Variants in HIBCH observed in about 807,000 individuals in gnomAD.
HIBCH encodes 3-hydroxyisobutyryl-CoA hydrolase, also known as 3-hydroxyisobutyryl-CoA hydrolase, mitochondrial.
HIBCH carries 50 observed loss-of-function variants against 58.2 expected under a neutral mutation model. That is an observed-to-expected ratio of 0.86 (90% CI 0.68 to 1.09). The LOEUF is 1.09. Among genes scored for constraint, HIBCH ranks in the 50% least tolerant of loss-of-function variants. The pLI is 0.00. For missense variants in HIBCH, 450 were observed against 449.7 expected (o/e 1.00, Z -0.01); for synonymous variants, 151 against 146.9 (o/e 1.03, Z -0.20).
chr2:190,318,601 G>A (rs984882780), intron 1 of HIBCH, among the ~76,000 whole-genome samples: 2 of 152,180 alleles, frequency 1.3e-5, no homozygotes, highest in African/African-American at 4.8e-5. Context: ...ATCTTGGAAC[G>A]TGGGGTGGAA....
rs572208311 is a variant in HIBCH at position 190,251,947 on chromosome 2, T to G, written c.663+215A>C. 1.1e-4 allele frequency among the ~76,000 whole-genome samples: 17 copies of G among 152,192 alleles called. No individual in the cohort carries two copies. The South Asian group carries it at 3.1e-3, about 28-fold the overall frequency. ...ACTCACTGAAGGTGCCAACCCTGAA[T>G]CCAGGTATCATTATCTCCAGTTTGC... On this transcript the variant is annotated intron_variant, in intron 8 of 13. Transcript: ENST00000359678.
At chr2:190,229,814 A>G (rs949374710) in intron 11 of HIBCH, among the ~76,000 whole-genome samples, 4 of 152,000 alleles carry the variant, frequency 2.6e-5, no homozygotes, top group African/African-American at 7.3e-5. Context: ...ACTAAGAGAC[A>G]CTACTATTAG....
At chr2:190,237,841 C>A in intron 11 of HIBCH, among the ~76,000 whole-genome samples, 1 of 151,858 alleles carries the variant, frequency 6.6e-6, no homozygotes, top group South Asian at 2.1e-4. Flanking sequence ...CCCTGATGGG[C>A]CCCAGTGTGT....
intron 6 of HIBCH, among the ~76,000 whole-genome samples, chr2:190,270,761 T>G (rs549734273): frequency 6.6e-6 from 1 of 152,300 alleles, no homozygotes; most frequent in African/African-American, 2.4e-5. Flanking sequence ...ACCACATACA[T>G]TAGATTAACA....
downstream of HIBCH, chr2:190,199,841 C>CACAAACAGCTCTTCATAACA (rs759270915): frequency 1.9e-6 from 3 of 1,608,174 alleles, no homozygotes; most frequent in South Asian, 1.1e-5. Context: ...CTGCTTCCTC[C>CACAAACAGCTCTTCATAACA]ACAAACAGCT....
chr2:190,228,029 G>C (rs1426355620), intron 11 of HIBCH, among the ~76,000 whole-genome samples: 1 of 152,114 alleles, frequency 6.6e-6, no homozygotes, highest in Non-Finnish European at 1.5e-5. Flanking sequence ...AATACCATTT[G>C]ACCCAGCCAT....
chr2:190,317,506 A>G (rs1385238626), intron 1 of HIBCH, among the ~76,000 whole-genome samples: 1 of 152,226 alleles, frequency 6.6e-6, no homozygotes. Flanking sequence ...CAAATCTGTG[A>G]AATCCAGACT....
rs185096076 is a variant in HIBCH, at chr2:190,211,955, T to A, written c.1011+1001A>T. Among the ~76,000 whole-genome samples, 1 of 151,936 alleles carries A rather than the reference T, an allele frequency of 6.6e-6. No homozygotes were observed. The highest frequency in any genetic ancestry group is 1.9e-4 in the East Asian group (1 of 5,156). On this transcript the variant is annotated intron_variant, in intron 12 of 13. Transcript: ENST00000359678. This position sits in a 1 kb window ranked among gnomAD's most constrained non-coding sequence, Gnocchi z 5.0. ...GGAATGTGTGAGGTATACAGGAGAG[T>A]GGTCAAGAGTGCAGGCACTGGAGTA...
intron 4 of HIBCH, among the ~76,000 whole-genome samples, chr2:190,293,547 TTAAG>T (rs1688010399): frequency 6.6e-6 from 1 of 152,084 alleles, no homozygotes; most frequent in Non-Finnish European, 1.5e-5. Context: ...ACAGATCAGT[TTAAG>T]TAATCAAAGT....
intron 2 of HIBCH, among the ~76,000 whole-genome samples, chr2:190,300,636 T>C (rs930769514): frequency 6.6e-6 from 1 of 152,208 alleles, no homozygotes; most frequent in South Asian, 2.1e-4. Context: ...TCTTTTGCTG[T>C]CCAGAAGCTC....
intron 11 of HIBCH, among the ~76,000 whole-genome samples, chr2:190,238,501 G>A (rs908629377): frequency 6.6e-6 from 1 of 152,076 alleles, no homozygotes; most frequent in Non-Finnish European, 1.5e-5. Context: ...TCTTGCTCTT[G>A]TCACCCAGGC....
intron 1 of HIBCH, among the ~76,000 whole-genome samples, chr2:190,319,320 G>A (rs1487618951): frequency 1.3e-5 from 2 of 152,334 alleles, no homozygotes; most frequent in East Asian, 1.9e-4. Context: ...GCAGAGAGAG[G>A]TGCAGCAACT....
intron 1 of HIBCH, among the ~76,000 whole-genome samples, chr2:190,313,572 A>G (rs372689169): frequency 6.6e-5 from 10 of 151,084 alleles, no homozygotes; most frequent in East Asian, 5.8e-4. Context: ...TGGTATTTCT[A>G]ACACAGAGGT....
intron 6 of HIBCH, among the ~76,000 whole-genome samples, chr2:190,286,504 A>C (rs1404905828): frequency 1.3e-5 from 2 of 152,136 alleles, no homozygotes; most frequent in Admixed American, 6.5e-5. Flanking sequence ...AAAAGACATT[A>C]CTTTTTCTCT....
chr2:190,259,779 G>A (rs927066440), intron 7 of HIBCH, among the ~76,000 whole-genome samples: 4 of 152,098 alleles, frequency 2.6e-5, no homozygotes, highest in Non-Finnish European at 5.9e-5. Flanking sequence ...ATATATAAGA[G>A]CATGTCATCA....
Position 190,293,164 on chromosome 2 carries a change from C to CCTG in HIBCH, c.304+1381_304+1382insCAG, listed in dbSNP as rs200012130. Among the ~76,000 whole-genome samples the CCTG allele has an allele frequency of 6.7e-3, 1,027 of 152,284 alleles. 12 individuals are homozygous for CCTG. Among genetic ancestry groups the CCTG allele is most frequent in the African/African-American group, 0.022 (933 of 41,550 alleles). ...TGACGATCACAGGCCAGACGAAAGG[C>CCTG]TAATTCAAGGCTGAAAAACAGTATT... On this transcript the variant is annotated intron_variant, in intron 4 of 13. Transcript: ENST00000359678.
chr2:190,310,745 A>G lies in HIBCH; in HGVS notation c.78+9T>C, dbSNP rs771281491. On this transcript the variant is annotated intron_variant, in intron 2 of 13. Coordinates refer to ENST00000359678, the MANE Select transcript of HIBCH (RefSeq NM_014362.4). The stretch of plus-strand genomic sequence containing the variant: ...AAATAATGCCAGCAAAACAAACACA[A>G]TAACTTACCAAATGGTGCAGTATGG... 25 of 1,601,850 alleles carry G rather than the reference A, an allele frequency of 1.6e-5. No homozygotes were observed. Among genetic ancestry groups the G allele is most frequent in the Non-Finnish European group, 1.7e-5 (20 of 1,168,940 alleles).
rs1686882784 is a variant in HIBCH at position 190,254,973 on chromosome 2, A to T, written c.518-2666T>A. Among the ~76,000 whole-genome samples the T allele has an allele frequency of 6.6e-6, 1 of 152,200 alleles. No homozygotes were observed. Among genetic ancestry groups the T allele is most frequent in the Non-Finnish European group, 1.5e-5 (1 of 68,022 alleles). On this transcript the variant is annotated intron_variant, in intron 7 of 13. Transcript: ENST00000359678. This position sits in a 1 kb window ranked among gnomAD's most constrained non-coding sequence, Gnocchi z 5.0. ...TTAAATTTAATTAATTTATATTAAA[A>T]TTTTAAAAGCCACTTGTGGCTAGTG...
chr2:190,257,873 T>C (rs779061648), intron 7 of HIBCH, among the ~76,000 whole-genome samples: 9 of 152,162 alleles, frequency 5.9e-5, no homozygotes, highest in Non-Finnish European at 1.2e-4. Flanking sequence ...CACCTCTTAG[T>C]GGTACCAACT....
Sources: gnomAD v4.1 joint callset for allele counts (sites outside exome capture counted in the v4.1 genomes callset) on GRCh38, gnomAD v4.1.1 for gene constraint, Gnocchi (gnomAD v3.1) non-coding constraint, MANE v1.5 for transcripts, NCBI Gene and HGNC (gene_info 2026-07-23, HGNC 2026-07-21) for gene names.